Variants in R3HDM2 observed in about 807,000 individuals in gnomAD.
R3HDM2 encodes R3H domain-containing protein 2.
In R3HDM2, 38 loss-of-function variants were observed where a neutral mutation model predicts 124.5. The observed-to-expected ratio is 0.31, with a 90% CI of 0.24 to 0.40. R3HDM2 has a LOEUF of 0.40. R3HDM2 is among the 10% of genes least tolerant of loss of function. The pLI is 1.00. For missense variants in R3HDM2, 869 were observed against 1,236.9 expected, an observed-to-expected ratio of 0.70 and a Z score of 4.46; for synonymous variants, 391 against 448.0, an observed-to-expected ratio of 0.87 and a Z score of 1.61.
intron 2 of R3HDM2, among the ~76,000 whole-genome samples, chr12:57,311,304 T>G (rs1296647612): frequency 6.6e-6 from 1 of 151,960 alleles, no homozygotes; most frequent in Admixed American, 6.6e-5. Context: ...CGGCTCACTG[T>G]AAGCTCTGCC....
At chr12:57,365,370 T>C (rs1393752250) in intron 2 of R3HDM2, among the ~76,000 whole-genome samples, 1 of 152,152 alleles carries the variant, frequency 6.6e-6, no homozygotes, top group Non-Finnish European at 1.5e-5. Context: ...AATACTGTCA[T>C]ATTCTGAGGT....
At chr12:57,377,281 A>T (rs2064219116) in intron 2 of R3HDM2, among the ~76,000 whole-genome samples, 1 of 152,040 alleles carries the variant, frequency 6.6e-6, no homozygotes, top group Non-Finnish European at 1.5e-5. Context: ...ACTTTCTGAA[A>T]CACTGAAACT....
chr12:57,268,342 T>C lies in R3HDM2; in HGVS notation c.1991A>G (p.Tyr664Cys). ...GGLPAAGVPV[Y>C]YSMIPPAQQN... ...CTGAGCAGGTGGGATCATGCTATAG[T>C]ACACTGGTACCCCCGCTGCTGGGAG... Residue 664 changes from tyrosine to cysteine, a missense_variant, in exon 18 of 24, where the codon TAC (tyrosine) becomes TGC (cysteine). This residue lies in a region of R3HDM2 where 602 missense variants were observed against 789.2 expected (regional missense o/e 0.76). Transcript: ENST00000402412. 2 of 1,614,010 alleles carry C rather than the reference T, an allele frequency of 1.2e-6. No individual in the cohort carries two copies. Among genetic ancestry groups the C allele is most frequent in the Non-Finnish European group, 8.5e-7 (1 of 1,179,972 alleles).
At chr12:57,384,629 T>C (rs978507032) in intron 2 of R3HDM2, among the ~76,000 whole-genome samples, 8 of 152,072 alleles carry the variant, frequency 5.3e-5, no homozygotes, top group African/African-American at 1.9e-4. Context: ...CATAAAGGTA[T>C]CCATGGAGAA....
At chr12:57,393,556 A>G (rs1454909190) in intron 2 of R3HDM2, among the ~76,000 whole-genome samples, 1 of 152,226 alleles carries the variant, frequency 6.6e-6, no homozygotes, top group East Asian at 1.9e-4. Flanking sequence ...ATGAAGAAAA[A>G]TGAACAAAGT....
At chr12:57,318,746 A>C (rs528123636) in intron 2 of R3HDM2, among the ~76,000 whole-genome samples, 4 of 152,218 alleles carry the variant, frequency 2.6e-5, no homozygotes, top group Non-Finnish European at 5.9e-5. Context: ...GAGTGCTTAC[A>C]TTGTGCCAGG....
intron 2 of R3HDM2, among the ~76,000 whole-genome samples, chr12:57,350,362 T>C (rs1379943194): frequency 6.6e-6 from 1 of 152,184 alleles, no homozygotes; most frequent in Non-Finnish European, 1.5e-5. Flanking sequence ...TTGTTATTTA[T>C]GTTTAAATTC....
chr12:57,292,300 C>A (rs572411624), intron 11 of R3HDM2, among the ~76,000 whole-genome samples: 1 of 152,292 alleles, frequency 6.6e-6, no homozygotes, highest in Non-Finnish European at 1.5e-5. Context: ...TATTTTCAGT[C>A]TAGGCAAATT....
intron 2 of R3HDM2, among the ~76,000 whole-genome samples, chr12:57,337,493 G>A (rs1242620951): frequency 6.6e-6 from 1 of 152,068 alleles, no homozygotes; most frequent in South Asian, 2.1e-4. Flanking sequence ...CAGAAAATGG[G>A]GTAGAAGCAA....
At position 57,296,383 on chromosome 12, in the gene R3HDM2, C is replaced by A; in HGVS notation, c.701+28G>T. ...ACCCAGCAGGTTATCCCAGGGAAGT[C>A]TTCCCAAACCATGGTTTCCTCCCTT... On this transcript the variant is annotated intron_variant, in intron 9 of 23. Coordinates refer to ENST00000402412, the MANE Select transcript of R3HDM2 (RefSeq NM_001394031.1). The surrounding 1 kb of genome is among the most constrained non-coding windows in gnomAD (Gnocchi z 4.5). 1 of 1,551,354 alleles carries A rather than the reference C, an allele frequency of 6.4e-7. No individual in the cohort carries two copies. Among genetic ancestry groups the A allele is most frequent in the South Asian group, 1.2e-5 (1 of 84,008 alleles).
chr12:57,389,655 G>A (rs1360982385), intron 2 of R3HDM2, among the ~76,000 whole-genome samples: 1 of 152,154 alleles, frequency 6.6e-6, no homozygotes, highest in Non-Finnish European at 1.5e-5. Context: ...ATGCACTTAG[G>A]TTGGAAAGGC....
intron 1 of R3HDM2, among the ~76,000 whole-genome samples, chr12:57,418,774 T>C (rs1431881816): frequency 9.2e-5 from 14 of 151,954 alleles, no homozygotes; most frequent in Admixed American, 9.2e-4. Context: ...ATATTGGCCA[T>C]AGTGATCTCA....
chr12:57,260,688 T>C (rs2040579086), intron 19 of R3HDM2, among the ~76,000 whole-genome samples: 1 of 152,000 alleles, frequency 6.6e-6, no homozygotes, highest in South Asian at 2.1e-4. Flanking sequence ...AAATGGGAAA[T>C]TTGGGGTTAC....
intron 14 of R3HDM2, 57 bp from the exon 15 acceptor site, chr12:57,270,051 C>T (rs2043241465): frequency 6.3e-7 from 1 of 1,593,304 alleles, no homozygotes; most frequent in African/African-American, 1.3e-5. Flanking sequence ...ATGTCTTTGG[C>T]TTCAACATAG....
Position 57,295,505 on chromosome 12 carries a change from G to A in R3HDM2, c.704C>T (p.Pro235Leu). The A allele has an allele frequency of 6.5e-7, 1 of 1,549,146 alleles. No homozygotes were observed. Among genetic ancestry groups the A allele is most frequent in the Non-Finnish European group, 8.7e-7 (1 of 1,144,950 alleles). Residue 235 changes from proline to leucine, a missense_variant and splice_region_variant, in exon 10 of 24, where the codon CCT becomes CTT. By Grantham distance (98) the Pro-to-Leu change is moderately conservative. Transcript: ENST00000402412. The stretch of plus-strand genomic sequence containing the variant: ...TATATGTTCTGAGAACCTCTGTTCA[G>A]GGCTGAGATTTGGAGAGAAATGTGA... The part of the protein sequence containing the change: ...IINKTSNTRI[P>L]EQRFSEHIKD...
intron 2 of R3HDM2, 92 bp from the exon 3 acceptor site, chr12:57,310,555 A>G: frequency 1.6e-6 from 1 of 627,632 alleles, no homozygotes; most frequent in Non-Finnish European, 2.3e-6. Flanking sequence ...CATTTTTTCC[A>G]GCAGCCTTCC....
chr12:57,430,679 C>G, intron 1 of R3HDM2, 41 bp downstream of exon 1: 1 of 762,580 alleles, frequency 1.3e-6, no homozygotes, highest in Non-Finnish European at 1.6e-6. Context: ...CCCCACAGGC[C>G]GTCCGGGCCG....
intron 2 of R3HDM2, among the ~76,000 whole-genome samples, chr12:57,363,842 C>G (rs2062255682): frequency 6.6e-6 from 1 of 151,692 alleles, no homozygotes; most frequent in South Asian, 2.1e-4. Flanking sequence ...TGTGCTCCAG[C>G]CTGGGCAACC....
chr12:57,343,116 G>C (rs908964192), intron 2 of R3HDM2, among the ~76,000 whole-genome samples: 3 of 151,094 alleles, frequency 2.0e-5, no homozygotes, highest in Non-Finnish European at 4.4e-5. Context: ...GACCAGGAAA[G>C]AAAAGTAATT....
Sources: allele counts gnomAD v4.1 joint callset (sites outside exome capture counted in the v4.1 genomes callset), GRCh38; gene constraint gnomAD v4.1.1; regional missense constraint gnomAD v4.1.1; non-coding constraint Gnocchi (gnomAD v3.1); transcripts MANE v1.5; gene names NCBI Gene and HGNC (gene_info 2026-07-23, HGNC 2026-07-21).